Variants in PLSCR1 observed in about 807,000 individuals in gnomAD.
The protein encoded by PLSCR1 is PL scramblase 1.
PLSCR1 carries 17 observed loss-of-function variants against 37.8 expected under a neutral mutation model. The observed-to-expected ratio is 0.45, with a 90% CI of 0.31 to 0.68. The LOEUF is 0.68. Ranked by LOEUF, PLSCR1 falls within the 30% of genes least tolerant of loss-of-function variation. The probability of loss-of-function intolerance (pLI) is 0.06; values close to 1 mark genes in which losing one functional copy is unlikely to be tolerated. For synonymous variants in PLSCR1, 116 were observed against 125.9 expected (o/e 0.92, Z 0.53); for missense variants, 347 against 380.9 (o/e 0.91, Z 0.74).
intron 5 of PLSCR1, among the ~76,000 whole-genome samples, chr3:146,523,731 A>G (rs751666015): frequency 1.3e-5 from 2 of 152,198 alleles, no homozygotes; most frequent in African/African-American, 4.8e-5. Flanking sequence ...GGGCTAATCT[A>G]TCTTCATGAG....
chr3:146,540,537 A>G (rs779987822), intron 1 of PLSCR1, among the ~76,000 whole-genome samples: 11 of 152,116 alleles, frequency 7.2e-5, no homozygotes, highest in African/African-American at 1.2e-4. Flanking sequence ...AAAATCTGGA[A>G]CCCAAAGGGG....
chr3:146,542,098 A>C (rs1412524264), intron 1 of PLSCR1, among the ~76,000 whole-genome samples: 1 of 152,228 alleles, frequency 6.6e-6, no homozygotes, highest in African/African-American at 2.4e-5. Flanking sequence ...ATACTTGCAT[A>C]CAGTATTCAT....
chr3:146,525,137 C>T (rs1020354093), intron 5 of PLSCR1, among the ~76,000 whole-genome samples: 5 of 152,210 alleles, frequency 3.3e-5, no homozygotes, highest in Non-Finnish European at 7.3e-5. Context: ...CAGTGGCCTG[C>T]ATCTGACCTC....
chr3:146,523,626 G>T (rs115970454), intron 5 of PLSCR1, among the ~76,000 whole-genome samples: 1,724 of 152,322 alleles, frequency 0.011, 28 homozygotes, highest in African/African-American at 0.039. Context: ...TCAGAAGTGG[G>T]AGGTGGGTAT....
At chr3:146,524,074 T>C (rs1254041171) in intron 5 of PLSCR1, among the ~76,000 whole-genome samples, 2 of 152,276 alleles carry the variant, frequency 1.3e-5, no homozygotes, top group East Asian at 3.9e-4. Context: ...ACTCTGCATT[T>C]ATAGGAACAA....
Position 146,515,323 on chromosome 3 carries a change from T to A in PLSCR1, c.*722A>T, listed in dbSNP as rs1341665717. ...ACCATTTTCTAGGAAGGATAGAGTG[T>A]AAGAGCTAAACATTTCATGTAGAAA... is the stretch of plus-strand genomic sequence containing the variant. On this transcript the variant is annotated 3_prime_UTR_variant, in exon 9 of 9. Transcript: ENST00000342435. The A allele has an allele frequency of 6.6e-6, 1 of 152,186 alleles. No homozygotes were observed. The highest frequency in any genetic ancestry group is 1.5e-5 in the Non-Finnish European group (1 of 68,030). 9.4% of individuals were successfully genotyped at this position (152,186 alleles called of 1,614,324 possible).
At position 146,533,640 on chromosome 3, in the gene PLSCR1, T is replaced by C; in HGVS notation, c.14-90A>G. 2.7e-6 allele frequency: 2 copies of C among 751,672 alleles called. 1 individual carries two copies. Among genetic ancestry groups the C allele is most frequent in the Non-Finnish European group, 4.4e-6 (2 of 450,918 alleles). 46.6% of individuals were successfully genotyped at this position (751,672 alleles called of 1,614,324 possible). Reference sequence around the variant, plus strand: ...GTATTGTACTTAGATAATTGTAACTTGTATGTTCTTATGCTGTATTGAAAT... The same window carrying C: ...GTATTGTACTTAGATAATTGTAACTCGTATGTTCTTATGCTGTATTGAAAT... On this transcript the variant is annotated intron_variant, in intron 2 of 8. Transcript: ENST00000342435.
intron 5 of PLSCR1, among the ~76,000 whole-genome samples, chr3:146,524,590 T>C (rs576153904): frequency 1.3e-5 from 2 of 152,226 alleles, no homozygotes; most frequent in South Asian, 4.1e-4. Flanking sequence ...TGTGTAATGT[T>C]TGGTTATATG....
intron 3 of PLSCR1, 133 bp from the exon 4 acceptor site, chr3:146,528,964 T>C: frequency 1.5e-6 from 1 of 649,936 alleles, no homozygotes; most frequent in Non-Finnish European, 2.6e-6. Flanking sequence ...TTAATACGCT[T>C]TTCTCTTTCT....
intron 2 of PLSCR1, among the ~76,000 whole-genome samples, chr3:146,533,950 T>C (rs2044232879): frequency 6.6e-6 from 1 of 152,172 alleles, no homozygotes; most frequent in Non-Finnish European, 1.5e-5. Flanking sequence ...TTTAAAGATA[T>C]CTATCATCAT....
At chr3:146,529,679 A>AT (rs1307966977) in intron 3 of PLSCR1, among the ~76,000 whole-genome samples, 1 of 151,778 alleles carries the variant, frequency 6.6e-6, no homozygotes, top group Non-Finnish European at 1.5e-5. Context: ...CGCCCAGCTA[A>AT]TTTTTTGTAT....
chr3:146,528,692 A>G lies in PLSCR1; in HGVS notation c.234T>C (p.Val78=). The part of the protein sequence containing the change: ...VYNQPVYNQP[V]GAAGVPWMPA... ...GCATCCATGGTACCCCTGCAGCTCC[A>G]ACTGGCTGATTATATACTGGCTGAT... The change falls in exon 4 of 9, where the codon GTT becomes GTC. Residue 78 remains valine (V), a synonymous_variant. Transcript: ENST00000342435. The G allele has an allele frequency of 1.2e-6, 2 of 1,614,194 alleles. No homozygotes were observed. Among genetic ancestry groups the G allele is most frequent in the Non-Finnish European group, 1.7e-6 (2 of 1,180,016 alleles).
At chr3:146,527,066 G>A (rs1026048344) in intron 4 of PLSCR1, among the ~76,000 whole-genome samples, 1 of 152,148 alleles carries the variant, frequency 6.6e-6, no homozygotes, top group African/African-American at 2.4e-5. Context: ...GAACCCGGGA[G>A]GCGGAGGTTG....
In PLSCR1 at chr3:146,515,944, A is replaced by T; in HGVS notation, c.*101T>A. The T allele has an allele frequency of 1.5e-6, 1 of 682,876 alleles. No individual in the cohort carries two copies. 42.3% of individuals were successfully genotyped at this position (682,876 alleles called of 1,614,324 possible). ...ATTTGAAAAGCAAAAGTATACAACC[A>T]GAGCTACAGGCCTTACAGCTTAATT... is the stretch of plus-strand genomic sequence containing the variant. On this transcript the variant is annotated 3_prime_UTR_variant, in exon 9 of 9. Coordinates refer to ENST00000342435, the MANE Select transcript of PLSCR1 (RefSeq NM_021105.3).
chr3:146,529,376 T>C lies in PLSCR1; in HGVS notation c.95-545A>G, dbSNP rs779826055. Among the ~76,000 whole-genome samples the C allele has an allele frequency of 1.5e-4, 23 of 152,136 alleles. 1 individual carries two copies. The highest frequency in any genetic ancestry group is 3.9e-4 in the Admixed American group (6 of 15,272). On this transcript the variant is annotated intron_variant, in intron 3 of 8. Transcript: ENST00000342435. ...TCACAACTGGAGGGGAAGATAATAC[T>C]GCATCTGGTGGGTAGAGGCCAGGGC...
At chr3:146,526,183 C>CAAAAAAA (rs60229241) in intron 4 of PLSCR1, among the ~76,000 whole-genome samples, 12 of 42,764 alleles carry the variant, frequency 2.8e-4, no homozygotes, top group Admixed American at 9.8e-4. Flanking sequence ...GACTCCATCT[C>CAAAAAAA]AAAAAAAAAA....
At chr3:146,521,260 C>T (rs1208453025) in intron 7 of PLSCR1, among the ~76,000 whole-genome samples, 1 of 152,122 alleles carries the variant, frequency 6.6e-6, no homozygotes. Flanking sequence ...GGATAATATA[C>T]AGTGTCATCA....
chr3:146,533,690 C>G lies in PLSCR1; in HGVS notation c.14-140G>C, dbSNP rs961224031. On this transcript the variant is annotated intron_variant, in intron 2 of 8. Transcript: ENST00000342435. ...TAGGGAAAGTAAAATTTTCACTTAACGTAAGCTGTGCCTGTTCTCAGAGCT... is the reference window on the plus strand; with the variant it reads ...TAGGGAAAGTAAAATTTTCACTTAAGGTAAGCTGTGCCTGTTCTCAGAGCT... The G allele has an allele frequency of 4.0e-5, 18 of 449,206 alleles. No homozygotes were observed. In the South Asian group the frequency reaches 5.2e-4, roughly 13 times the overall value. The allele number at this position is 449,206 out of a possible 1,614,324, so 27.8% of individuals were successfully genotyped here. A position where few individuals can be genotyped will look rare whatever the true frequency, so the allele number is the denominator to read the frequency against.
At chr3:146,524,580 T>C (rs1315310070) in intron 5 of PLSCR1, among the ~76,000 whole-genome samples, 2 of 152,134 alleles carry the variant, frequency 1.3e-5, no homozygotes, top group Admixed American at 1.3e-4. Flanking sequence ...AATAGTGTGC[T>C]GTGTAATGTT....
Sources: allele counts gnomAD v4.1 joint callset (sites outside exome capture counted in the v4.1 genomes callset), GRCh38; gene constraint gnomAD v4.1.1; transcripts MANE v1.5; gene names NCBI Gene and HGNC (gene_info 2026-07-23, HGNC 2026-07-21).